Variants in SYNE2 observed in about 807,000 individuals in gnomAD.
SYNE2 encodes the protein nesprin-2.
SYNE2 carries 431 observed loss-of-function variants against 856.3 expected under a neutral mutation model. That is an observed-to-expected ratio of 0.50 (90% CI 0.47 to 0.55). The LOEUF (loss-of-function observed/expected upper bound fraction) is 0.55, where lower values mean the gene tolerates loss of function less well. SYNE2 is among the 20% of genes least tolerant of loss of function. SYNE2 has a pLI of 0.00. For missense variants in SYNE2, 8,129 were observed against 8,023.2 expected, an observed-to-expected ratio of 1.01 and a Z score of -0.50; for synonymous variants, 2,923 against 2,872.3, an observed-to-expected ratio of 1.02 and a Z score of -0.56.
At chr14:63,851,018 G>T (rs937743402), upstream of SYNE2, among the ~76,000 whole-genome samples, 1 of 151,974 alleles carries the variant, frequency 6.6e-6, no homozygotes, top group African/African-American at 2.4e-5. Context: ...CCCTAAAATT[G>T]GCTCTCCAGC....
chr14:63,851,341 A>T (rs1477376693), upstream of SYNE2, among the ~76,000 whole-genome samples: 1 of 152,216 alleles, frequency 6.6e-6, no homozygotes, highest in Non-Finnish European at 1.5e-5. Context: ...AGCCTGGGCA[A>T]CAGAGCAAGA....
At position 64,114,262 on chromosome 14, in the gene SYNE2, G is replaced by A. The variant is rs187216093; in HGVS notation, c.12840+691G>A. Among the ~76,000 whole-genome samples the A allele has an allele frequency of 2.7e-3, 418 of 152,234 alleles. 3 individuals are homozygous for A. Among genetic ancestry groups the A allele is most frequent in the African/African-American group, 9.5e-3 (396 of 41,536 alleles). On this transcript the variant is annotated intron_variant, in intron 66 of 115. Transcript: ENST00000555002. Reference sequence around the variant, plus strand: ...TTGGGGTTTCTAATCCCTCCAGGGAGAGGCTAGAATGATGACATTGCAACA... The same window carrying A: ...TTGGGGTTTCTAATCCCTCCAGGGAAAGGCTAGAATGATGACATTGCAACA...
At chr14:63,923,863 A>G (rs1361697909) in intron 2 of SYNE2, among the ~76,000 whole-genome samples, 3 of 151,386 alleles carry the variant, frequency 2.0e-5, no homozygotes, top group African/African-American at 7.3e-5. Context: ...CAGTGGTGCC[A>G]TTTCAGCTCA....
At chr14:64,096,696 A>G (rs1335441206) in intron 61 of SYNE2, among the ~76,000 whole-genome samples, 2 of 152,242 alleles carry the variant, frequency 1.3e-5, no homozygotes, top group African/African-American at 4.8e-5. Context: ...CAGTACAGCC[A>G]GGAGAAAGCC....
At chr14:63,986,032 A>G (rs965872271) in intron 18 of SYNE2, among the ~76,000 whole-genome samples, 1 of 152,242 alleles carries the variant, frequency 6.6e-6, no homozygotes, top group African/African-American at 2.4e-5. Flanking sequence ...TTATTGTCAA[A>G]GAACTACATC....
At chr14:63,914,274 C>T (rs2095509699) in intron 2 of SYNE2, among the ~76,000 whole-genome samples, 1 of 152,158 alleles carries the variant, frequency 6.6e-6, no homozygotes, top group South Asian at 2.1e-4. Context: ...TATCACAGGA[C>T]TTTAAAGTTA....
At chr14:64,162,944 G>A (rs147778235) in intron 88 of SYNE2, 158 of 181,748 alleles carry the variant, frequency 8.7e-4, no homozygotes, top group South Asian at 4.7e-3. Flanking sequence ...CAAATTTTAT[G>A]TACACAATAT....
Position 64,027,535 on chromosome 14 carries a change from G to A in SYNE2, c.6456G>A (p.Glu2152=). Residue 2152 remains glutamate, a synonymous_variant, in exon 43 of 116, where the codon GAG becomes GAA. Coordinates refer to ENST00000555002, the MANE Select transcript of SYNE2 (RefSeq NM_182914.3). ...LEGEKYLQSK[E]DLRLMLIELK... is the part of the protein sequence containing the mutation. Reference sequence around the variant, plus strand: ...GAGAGAAATATTTACAAAGTAAGGAGGATCTGAGATTAATGCTCATAGAAC... The same window carrying A: ...GAGAGAAATATTTACAAAGTAAGGAAGATCTGAGATTAATGCTCATAGAAC... 6.2e-7 allele frequency: 1 copy of A among 1,610,360 alleles called. No homozygotes were observed. Among genetic ancestry groups the A allele is most frequent in the Middle Eastern group, 1.7e-4 (1 of 5,874 alleles).
At position 64,056,180 on chromosome 14, in the gene SYNE2, A is replaced by G; in HGVS notation, c.9981A>G (p.Leu3327=). 1 of 1,614,166 alleles carries G rather than the reference A, an allele frequency of 6.2e-7. No individual in the cohort carries two copies. Among genetic ancestry groups the G allele is most frequent in the South Asian group, 1.1e-5 (1 of 91,080 alleles). ...LGMISSPEAK[L]QLQYTLQELV... ...TGATATCCAGCCCCGAAGCCAAACTACAACTTCAGTATACTTTACAGGAAC... is the reference window on the plus strand; with the variant it reads ...TGATATCCAGCCCCGAAGCCAAACTGCAACTTCAGTATACTTTACAGGAAC... The change falls in exon 49 of 116, where the codon CTA becomes CTG. Residue 3327 remains leucine, a synonymous_variant. Transcript: ENST00000555002.
At chr14:64,065,747 G>A (rs1199777970) in intron 51 of SYNE2, 97 bp downstream of exon 51, 2 of 1,354,514 alleles carry the variant, frequency 1.5e-6, no homozygotes, top group African/African-American at 2.9e-5. Flanking sequence ...CGAGTCCTTA[G>A]CCTATACCAT....
chr14:63,888,288 T>A (rs941473860), intron 1 of SYNE2, among the ~76,000 whole-genome samples: 3 of 152,214 alleles, frequency 2.0e-5, no homozygotes, highest in Admixed American at 1.3e-4. Context: ...CTTCCCAGAC[T>A]GCACTTGGTG....
At chr14:64,014,972 T>TACACACACAC (rs1459153230) in intron 32 of SYNE2, among the ~76,000 whole-genome samples, 6 of 83,944 alleles carry the variant, frequency 7.1e-5, no homozygotes, top group African/African-American at 2.8e-4. Context: ...TATATATATA[T>TACACACACAC]ATACACACAC....
At chr14:63,835,341 C>A (rs1178926401) in intron 1 of SYNE2, among the ~76,000 whole-genome samples, 1 of 152,164 alleles carries the variant, frequency 6.6e-6, no homozygotes, top group African/African-American at 2.4e-5. Flanking sequence ...TCAAGAAATT[C>A]TCCAGCATCA....
chr14:63,946,153 G>A (rs555283019), intron 6 of SYNE2, among the ~76,000 whole-genome samples: 4 of 152,134 alleles, frequency 2.6e-5, no homozygotes, highest in South Asian at 2.1e-4. Context: ...TGGGTGCAGC[G>A]GCTCATGGCT....
At position 64,121,068 on chromosome 14, in the gene SYNE2, C is replaced by G; in HGVS notation, c.13158+7C>G. 1.2e-6 allele frequency: 2 copies of G among 1,613,942 alleles called. No individual in the cohort carries two copies. The highest frequency in any genetic ancestry group is 1.7e-6 in the Non-Finnish European group (2 of 1,179,900). On this transcript the variant is annotated splice_region_variant and intron_variant, in intron 68 of 115. Coordinates refer to ENST00000555002, the MANE Select transcript of SYNE2 (RefSeq NM_182914.3). ...AGATTTCCAGCAGCAACAGGTAATT[C>G]TAGCCCCCAACAGTTGTAGGGACTA...
At chr14:63,935,955 A>G (rs1014162984) in intron 2 of SYNE2, among the ~76,000 whole-genome samples, 4 of 152,196 alleles carry the variant, frequency 2.6e-5, no homozygotes, top group East Asian at 1.9e-4. Flanking sequence ...GCTCACTGCA[A>G]CCTCTCCCTG....
chr14:63,986,806 T>G (rs1247087638), intron 19 of SYNE2, among the ~76,000 whole-genome samples, 189 bp downstream of exon 19: 1 of 152,194 alleles, frequency 6.6e-6, no homozygotes, highest in Non-Finnish European at 1.5e-5. Context: ...GAGGATAGAT[T>G]AGGAGACCAC....
intron 64 of SYNE2, among the ~76,000 whole-genome samples, chr14:64,102,697 ATACATTATTAT>A (rs1410266353): frequency 6.6e-6 from 1 of 151,902 alleles, no homozygotes; most frequent in African/African-American, 2.4e-5. Context: ...TAAGTATACA[ATACATTATTAT>A]TAACTATAAT....
chr14:64,107,082 T>C (rs974130947), intron 64 of SYNE2, among the ~76,000 whole-genome samples: 1 of 152,228 alleles, frequency 6.6e-6, no homozygotes, highest in African/African-American at 2.4e-5. Flanking sequence ...CTCAAACTCC[T>C]GAGCACAAGC....
Sources: allele counts gnomAD v4.1 joint callset (sites outside exome capture counted in the v4.1 genomes callset), GRCh38; gene constraint gnomAD v4.1.1; transcripts MANE v1.5; gene names NCBI Gene and HGNC (gene_info 2026-07-23, HGNC 2026-07-21).